The following LSAMP variants were observed in gnomAD, a reference collection of about 807,000 sequenced individuals.
The protein encoded by LSAMP is limbic system-associated membrane protein.
Under a neutral mutation model 38.6 loss-of-function variants are expected in LSAMP, and 7 were observed. The observed-to-expected ratio is 0.18, with a 90% CI of 0.10 to 0.34. The LOEUF is 0.34. Ranked by LOEUF, LSAMP falls within the 10% of genes least tolerant of loss-of-function variation. LSAMP has a pLI of 1.00. For missense variants in LSAMP, 313 were observed against 420.0 expected, an observed-to-expected ratio of 0.75 and a Z score of 2.23; for synonymous variants, 154 against 166.8, an observed-to-expected ratio of 0.92 and a Z score of 0.59.
chr3:116,109,115 G>T (rs1427330299), intron 1 of LSAMP, among the ~76,000 whole-genome samples: 1 of 152,132 alleles, frequency 6.6e-6, no homozygotes, highest in Non-Finnish European at 1.5e-5. Context: ...AACTGGGCTG[G>T]GTTTTTATAT....
intron 1 of LSAMP, among the ~76,000 whole-genome samples, chr3:116,167,901 C>T (rs1389458060): frequency 6.6e-6 from 1 of 152,044 alleles, no homozygotes; most frequent in African/African-American, 2.4e-5. Flanking sequence ...AGGAGAAGCA[C>T]TGGGCAAGGG....
At chr3:116,145,712 G>A (rs1179703881) in intron 1 of LSAMP, among the ~76,000 whole-genome samples, 2 of 151,790 alleles carry the variant, frequency 1.3e-5, no homozygotes, top group Non-Finnish European at 2.9e-5. Context: ...ATCTTTTATA[G>A]AATATATAAA....
rs554180466 is a variant in LSAMP at position 116,231,801 on chromosome 3, C to T, written c.156-145245G>A. Among the ~76,000 whole-genome samples, 182 of 152,238 alleles carry T rather than the reference C, an allele frequency of 1.2e-3. 4 individuals are homozygous for T. Among genetic ancestry groups the T allele is most frequent in the Non-Finnish European group, 7.6e-4 (52 of 68,016 alleles). On this transcript the variant is annotated intron_variant, in intron 1 of 6. Transcript: ENST00000490035. Reference sequence around the variant, plus strand: ...ACAGTTAAGGAGAAAAGAATTTCCTCGGCAGCTCAGAACTTAGAACCTTTA... The same window carrying T: ...ACAGTTAAGGAGAAAAGAATTTCCTTGGCAGCTCAGAACTTAGAACCTTTA...
At chr3:116,118,283 C>T (rs1422385076) in intron 1 of LSAMP, among the ~76,000 whole-genome samples, 1 of 152,116 alleles carries the variant, frequency 6.6e-6, no homozygotes, top group Non-Finnish European at 1.5e-5. Flanking sequence ...ATTTTAATTG[C>T]TCCCCATCCC....
chr3:115,936,963 TTTAA>T (rs1937723917), intron 3 of LSAMP, among the ~76,000 whole-genome samples: 1 of 152,202 alleles, frequency 6.6e-6, no homozygotes, highest in Non-Finnish European at 1.5e-5. Context: ...TATTAAATAT[TTTAA>T]TTACTTTAAA....
chr3:116,372,889 CAT>C (rs1335388739), intron 1 of LSAMP, among the ~76,000 whole-genome samples: 4 of 148,694 alleles, frequency 2.7e-5, no homozygotes, highest in Non-Finnish European at 3.0e-5. Flanking sequence ...CAGAATATAA[CAT>C]GTGTTGGTGA....
At chr3:116,102,229 C>T (rs1346248891) in intron 1 of LSAMP, among the ~76,000 whole-genome samples, 1 of 152,166 alleles carries the variant, frequency 6.6e-6, no homozygotes, top group East Asian at 1.9e-4. Context: ...ACAGGAGGCA[C>T]TGTAGTTATT....
At chr3:116,311,938 T>C (rs1448243196) in intron 1 of LSAMP, among the ~76,000 whole-genome samples, 1 of 152,182 alleles carries the variant, frequency 6.6e-6, no homozygotes, top group African/African-American at 2.4e-5. Context: ...AATAAAGCCC[T>C]GAGCAAGATG....
At chr3:116,395,864 G>T (rs1040453334) in intron 1 of LSAMP, among the ~76,000 whole-genome samples, 3 of 152,092 alleles carry the variant, frequency 2.0e-5, no homozygotes, top group Non-Finnish European at 2.9e-5. Context: ...AGAGCAAAAA[G>T]ATATATATTG....
intron 4 of LSAMP, among the ~76,000 whole-genome samples, chr3:115,846,859 G>A (rs2972481): frequency 0.1 from 15,351 of 152,100 alleles, 1,105 homozygotes; most frequent in Admixed American, 0.25. Flanking sequence ...AACATGCGGC[G>A]ACACAGTGGA....
At chr3:116,240,186 C>A (rs2046514779) in intron 1 of LSAMP, among the ~76,000 whole-genome samples, 1 of 152,118 alleles carries the variant, frequency 6.6e-6, no homozygotes, top group African/African-American at 2.4e-5. Flanking sequence ...CCTTCCTTTG[C>A]AACCTACATA....
At chr3:116,101,748 C>T (rs191947992) in intron 1 of LSAMP, among the ~76,000 whole-genome samples, 1 of 152,198 alleles carries the variant, frequency 6.6e-6, no homozygotes, top group Non-Finnish European at 1.5e-5. Context: ...CTGCATAACT[C>T]AAATTCTAAA....
At chr3:116,205,954 A>AT (rs1216545826) in intron 1 of LSAMP, among the ~76,000 whole-genome samples, 1 of 149,252 alleles carries the variant, frequency 6.7e-6, no homozygotes, top group African/African-American at 2.5e-5. Flanking sequence ...TTTTCTATTG[A>AT]TTGGAATAGT....
intron 3 of LSAMP, among the ~76,000 whole-genome samples, chr3:115,867,546 T>G (rs1183865830): frequency 6.6e-6 from 1 of 151,880 alleles, no homozygotes; most frequent in African/African-American, 2.4e-5. Context: ...CAGGAAAAGA[T>G]GTGAAAGCAG....
intron 3 of LSAMP, among the ~76,000 whole-genome samples, chr3:115,972,468 T>A (rs1939048752): frequency 6.6e-6 from 1 of 151,750 alleles, no homozygotes; most frequent in African/African-American, 2.4e-5. Flanking sequence ...TTTAATACGT[T>A]TAAAATATTT....
At chr3:116,175,362 ATATT>A (rs1294052022) in intron 1 of LSAMP, among the ~76,000 whole-genome samples, 6 of 152,158 alleles carry the variant, frequency 3.9e-5, no homozygotes, top group African/African-American at 1.4e-4. Context: ...ATTATCTCAA[ATATT>A]TATTATTTCT....
intron 1 of LSAMP, among the ~76,000 whole-genome samples, chr3:116,300,503 C>T (rs759897586): frequency 2.6e-5 from 4 of 152,144 alleles, no homozygotes; most frequent in Non-Finnish European, 5.9e-5. Flanking sequence ...CTGTTAGGAA[C>T]CCAGCTGCAC....
intron 1 of LSAMP, among the ~76,000 whole-genome samples, chr3:116,322,410 C>T (rs1478774062): frequency 3.3e-5 from 5 of 152,176 alleles, no homozygotes; most frequent in Non-Finnish European, 5.9e-5. Context: ...AACATCCAAA[C>T]ATTTTTTAAA....
At chr3:116,205,942 C>T (rs1196453481) in intron 1 of LSAMP, among the ~76,000 whole-genome samples, 2 of 147,794 alleles carry the variant, frequency 1.4e-5, no homozygotes, top group African/African-American at 5.0e-5. Flanking sequence ...AGGATTCCCT[C>T]TTTTTCTATT....
Sources: gnomAD v4.1 joint callset for allele counts (sites outside exome capture counted in the v4.1 genomes callset) on GRCh38, gnomAD v4.1.1 for gene constraint, MANE v1.5 for transcripts, NCBI Gene and HGNC (gene_info 2026-07-23, HGNC 2026-07-21) for gene names.